Variants in PLEKHF2 observed in about 807,000 individuals in gnomAD.
PLEKHF2 encodes the protein pleckstrin homology and FYVE domain containing 2.
Under a neutral mutation model 14.7 loss-of-function variants are expected in PLEKHF2, and 4 were observed. The observed-to-expected ratio is 0.27, with a 90% CI of 0.13 to 0.62. The LOEUF (loss-of-function observed/expected upper bound fraction) is 0.62. PLEKHF2 is among the 20% of genes least tolerant of loss of function. The pLI is 0.85. For missense variants in PLEKHF2, 201 were observed against 307.7 expected (o/e 0.65, Z 2.60); for synonymous variants, 90 against 103.5 (o/e 0.87, Z 0.79).
At chr8:95,143,299 C>A (rs1200328341) in intron 1 of PLEKHF2, among the ~76,000 whole-genome samples, 1 of 151,870 alleles carries the variant, frequency 6.6e-6, no homozygotes, top group Non-Finnish European at 1.5e-5. Context: ...CAGGCTTTCA[C>A]CATGTTAGCC....
chr8:95,152,885 CTTG>C (rs1376592834), intron 1 of PLEKHF2, among the ~76,000 whole-genome samples: 17 of 152,154 alleles, frequency 1.1e-4, no homozygotes, highest in African/African-American at 3.6e-4. Context: ...CTTCTCAAGG[CTTG>C]TTGTTCTTTA....
intron 1 of PLEKHF2, chr8:95,134,294 G>GGACGCC (rs1435217203): frequency 6.7e-6 from 1 of 148,470 alleles, no homozygotes; most frequent in Non-Finnish European, 1.5e-5. Context: ...CCCGCCCGTA[G>GGACGCC]GACGCCGCCG....
At chr8:95,140,624 T>G (rs530228748) in intron 1 of PLEKHF2, among the ~76,000 whole-genome samples, 48 of 152,174 alleles carry the variant, frequency 3.2e-4, no homozygotes, top group Admixed American at 1.2e-3. Context: ...GGGGGAATAG[T>G]CTTGTGTACC....
At position 95,155,462 on chromosome 8, in the gene PLEKHF2, A is replaced by G. The variant is rs974366448; in HGVS notation, c.*668A>G. ...CTAAGTTTGGAGGTATTTTCACTCT[A>G]TATGAATAAATATTTTTCCATAAAA... On this transcript the variant is annotated 3_prime_UTR_variant, in exon 2 of 2. Transcript: ENST00000315367. The G allele has an allele frequency of 6.0e-6, 1 of 167,044 alleles. No homozygotes were observed. Among genetic ancestry groups the G allele is most frequent in the Non-Finnish European group, 1.5e-5 (1 of 68,100 alleles). 10.3% of individuals were successfully genotyped at this position (167,044 alleles called of 1,614,324 possible).
In PLEKHF2 at chr8:95,155,645, A is replaced by T. The variant is rs569373624; in HGVS notation, c.*851A>T. On this transcript the variant is annotated 3_prime_UTR_variant, in exon 2 of 2. Coordinates refer to ENST00000315367, the MANE Select transcript of PLEKHF2 (RefSeq NM_024613.4). ...CATTAGCTTCTACCTTTAGTAAGAC[A>T]TATTTTTTAGGTATAAATTCTTATG... is the stretch of plus-strand genomic sequence containing the variant. 6.0e-6 allele frequency: 1 copy of T among 167,080 alleles called. No homozygotes were observed. Among genetic ancestry groups the T allele is most frequent in the African/African-American group, 2.4e-5 (1 of 41,476 alleles). The allele number at this position is 167,080 out of a possible 1,614,324, so 10.3% of individuals were successfully genotyped here. A position where few individuals can be genotyped will look rare whatever the true frequency, so the allele number is the denominator to read the frequency against.
At chr8:95,136,928 T>G (rs1011919808) in intron 1 of PLEKHF2, among the ~76,000 whole-genome samples, 3 of 152,230 alleles carry the variant, frequency 2.0e-5, no homozygotes, top group Non-Finnish European at 4.4e-5. Context: ...TCGGGGTTTA[T>G]TTCCTGCCCC....
chr8:95,145,719 T>C (rs1468770013), intron 1 of PLEKHF2, among the ~76,000 whole-genome samples: 1 of 152,180 alleles, frequency 6.6e-6, no homozygotes. Context: ...CCACTGCGCC[T>C]GGCCAAGTAT....
chr8:95,140,058 C>G (rs558615578), intron 1 of PLEKHF2, among the ~76,000 whole-genome samples: 66 of 152,302 alleles, frequency 4.3e-4, no homozygotes, highest in Non-Finnish European at 8.8e-4. Flanking sequence ...TACCAAATCT[C>G]TCTGTCCTGG....
intron 1 of PLEKHF2, among the ~76,000 whole-genome samples, chr8:95,144,315 A>G (rs915470516): frequency 2.6e-5 from 4 of 152,154 alleles, no homozygotes; most frequent in African/African-American, 9.7e-5. Context: ...GTTTTTATGT[A>G]CTATTTCTCT....
rs964119978 is a variant in PLEKHF2 at position 95,155,018 on chromosome 8, A to G, written c.*224A>G. ...TAGGCTTTTGCAAATATATCAGATA[A>G]ATTTTTTGTTTCTTGTTTATTTTTA... On this transcript the variant is annotated 3_prime_UTR_variant, in exon 2 of 2. Transcript: ENST00000315367. The G allele has an allele frequency of 4.0e-6, 2 of 499,248 alleles. No homozygotes were observed. Among genetic ancestry groups the G allele is most frequent in the African/African-American group, 1.9e-5 (1 of 51,766 alleles). 30.9% of individuals were successfully genotyped at this position (499,248 alleles called of 1,614,324 possible). A position where few individuals can be genotyped will look rare whatever the true frequency, so the allele number is the denominator to read the frequency against.
At chr8:95,147,144 T>A (rs2132108941) in intron 1 of PLEKHF2, among the ~76,000 whole-genome samples, 1 of 152,218 alleles carries the variant, frequency 6.6e-6, no homozygotes, top group East Asian at 1.9e-4. Flanking sequence ...TAATGTAAGT[T>A]TCATCAACAT....
Position 95,156,231 on chromosome 8 carries a change from T to G in PLEKHF2, c.*1437T>G, listed in dbSNP as rs898335320. On this transcript the variant is annotated 3_prime_UTR_variant, in exon 2 of 2. Coordinates refer to ENST00000315367, the MANE Select transcript of PLEKHF2 (RefSeq NM_024613.4). Reference sequence around the variant, plus strand: ...CTAAAGTTTGTTTTAAATTCTAAATTTAAAAAATCTTCAAATCTGAATATA... The same window carrying G: ...CTAAAGTTTGTTTTAAATTCTAAATGTAAAAAATCTTCAAATCTGAATATA... 2 of 167,176 alleles carry G rather than the reference T, an allele frequency of 1.2e-5. No homozygotes were observed. The highest frequency in any genetic ancestry group is 2.4e-5 in the African/African-American group (1 of 41,564). The allele number at this position is 167,176 out of a possible 1,614,324, so 10.4% of individuals were successfully genotyped here.
chr8:95,151,209 A>G (rs1185663993), intron 1 of PLEKHF2, among the ~76,000 whole-genome samples: 1 of 152,166 alleles, frequency 6.6e-6, no homozygotes, highest in Non-Finnish European at 1.5e-5. Flanking sequence ...AAATCAGAAA[A>G]TAATATGAAA....
intron 1 of PLEKHF2, among the ~76,000 whole-genome samples, chr8:95,148,291 A>G (rs1018551442): frequency 2.6e-5 from 4 of 152,036 alleles, no homozygotes; most frequent in South Asian, 2.1e-4. Flanking sequence ...TTCGACCCAG[A>G]TAGTCAATTG....
chr8:95,139,891 TA>T (rs1810422292), intron 1 of PLEKHF2, among the ~76,000 whole-genome samples: 1 of 152,010 alleles, frequency 6.6e-6, no homozygotes, highest in African/African-American at 2.4e-5. Context: ...TTGTGAAACA[TA>T]TGAGAGCAGG....
chr8:95,147,432 A>T (rs1810510145), intron 1 of PLEKHF2, among the ~76,000 whole-genome samples: 1 of 152,006 alleles, frequency 6.6e-6, no homozygotes, highest in Non-Finnish European at 1.5e-5. Context: ...TTCATATTTT[A>T]TAACTCATTT....
chr8:95,150,745 A>G (rs1389171822), intron 1 of PLEKHF2, among the ~76,000 whole-genome samples: 1 of 152,100 alleles, frequency 6.6e-6, no homozygotes, highest in Non-Finnish European at 1.5e-5. Flanking sequence ...TATCTTCAGT[A>G]TTTTTAGGGT....
intron 1 of PLEKHF2, among the ~76,000 whole-genome samples, chr8:95,138,362 C>T (rs1218350022): frequency 1.1e-5 from 1 of 92,346 alleles, no homozygotes; most frequent in Non-Finnish European, 2.0e-5. Flanking sequence ...TTCCCCCCCC[C>T]CCCGCCCCTT....
intron 1 of PLEKHF2, among the ~76,000 whole-genome samples, chr8:95,151,721 C>T (rs11994118): frequency 2.6e-5 from 4 of 151,656 alleles, no homozygotes; most frequent in African/African-American, 9.7e-5. Context: ...CAAGTATGAT[C>T]GCCTGTGGTG....
Sources: allele counts gnomAD v4.1 joint callset (sites outside exome capture counted in the v4.1 genomes callset), GRCh38; gene constraint gnomAD v4.1.1; transcripts MANE v1.5; gene names NCBI Gene and HGNC (gene_info 2026-07-23, HGNC 2026-07-21).